GTF2H4: variants seen among roughly 807,000 people sequenced by gnomAD.
GTF2H4 encodes BTF2 p52.
GTF2H4 carries 49 observed loss-of-function variants against 62.2 expected under a neutral mutation model. The observed-to-expected ratio is 0.79, with a 90% CI of 0.63 to 1.00. The LOEUF (loss-of-function observed/expected upper bound fraction) is 1.00. Ranked by LOEUF, GTF2H4 falls within the 50% of genes least tolerant of loss-of-function variation. The pLI is 0.00. For missense variants in GTF2H4, 479 were observed against 587.8 expected (o/e 0.81, Z 1.91); for synonymous variants, 189 against 233.8 (o/e 0.81, Z 1.75).
In GTF2H4 at chr6:30,913,496, G is replaced by A. The variant is rs565077157; in HGVS notation, c.1216+109G>A. ...TGGACTAGGAGAGAAAAGCTGGCAAGACAGTTTTTTGTTGTTTTGGGGTGA... is the reference window on the plus strand; with the variant it reads ...TGGACTAGGAGAGAAAAGCTGGCAAAACAGTTTTTTGTTGTTTTGGGGTGA... On this transcript the variant is annotated intron_variant, in intron 13 of 13. Transcript: ENST00000259895. The surrounding 1 kb of genome is among the most constrained non-coding windows in gnomAD (Gnocchi z 4.2). 1.5e-6 allele frequency: 2 copies of A among 1,316,086 alleles called. No individual in the cohort carries two copies. The highest frequency in any genetic ancestry group is 2.4e-5 in the East Asian group (1 of 41,748). The allele number at this position is 1,316,086 out of a possible 1,614,324, so 81.5% of individuals were successfully genotyped here.
In GTF2H4 at chr6:30,909,843, G is replaced by C; in HGVS notation, c.243-89G>C. The C allele has an allele frequency of 7.6e-7, 1 of 1,307,950 alleles. No individual in the cohort carries two copies. The highest frequency in any genetic ancestry group is 1.1e-6 in the Non-Finnish European group (1 of 939,856). 81.0% of individuals were successfully genotyped at this position (1,307,950 alleles called of 1,614,324 possible). A position where few individuals can be genotyped will look rare whatever the true frequency, so the allele number is the denominator to read the frequency against. On this transcript the variant is annotated intron_variant, in intron 3 of 13. Transcript: ENST00000259895. The surrounding 1 kb of genome is among the most constrained non-coding windows in gnomAD (Gnocchi z 4.3). Reference sequence around the variant, plus strand: ...CTGTGGAACAGTGTTCCAAGGGTCAGCAAGTTCAGAACAGGCAGAGATGGT... The same window carrying C: ...CTGTGGAACAGTGTTCCAAGGGTCACCAAGTTCAGAACAGGCAGAGATGGT...
At chr6:30,908,765 T>C (rs1223817949) in intron 1 of GTF2H4, among the ~76,000 whole-genome samples, 3 of 152,110 alleles carry the variant, frequency 2.0e-5, no homozygotes, top group African/African-American at 7.2e-5. Flanking sequence ...TACAAAATGA[T>C]CTTGCAAACA....
rs761057419 is a variant in GTF2H4, at chr6:30,913,147, T to C, written c.1127T>C (p.Met376Thr). 2.5e-6 allele frequency: 4 copies of C among 1,614,026 alleles called. No homozygotes were observed. Among genetic ancestry groups the C allele is most frequent in the South Asian group, 1.1e-5 (1 of 91,084 alleles). The part of the protein sequence containing the change: ...HFLRTRAHPV[M>T]LKQTPVLPPT... ...CTAAGGACAAGAGCCCACCCAGTGA[T>C]GCTCAAACAGGTATAGACAGGCTCC... The change falls in exon 12 of 14, where the codon ATG (methionine) becomes ACG (threonine). Residue 376 changes from methionine to threonine, a missense_variant. Met to Thr is a moderately conservative substitution (Grantham distance 81, BLOSUM62 -1). Coordinates refer to ENST00000259895, the MANE Select transcript of GTF2H4 (RefSeq NM_001517.5). The surrounding 1 kb of genome is among the most constrained non-coding windows in gnomAD (Gnocchi z 4.2).
At position 30,914,018 on chromosome 6, in the gene GTF2H4, G is replaced by A; in HGVS notation, c.*35G>A. On this transcript the variant is annotated 3_prime_UTR_variant, in exon 14 of 14. Transcript: ENST00000259895. ...ACTTGGACACGGACCTCGGCGGGCG[G>A]GACTGGGCGGGGCGGGGCATCAGAA... is the stretch of plus-strand genomic sequence containing the variant. 2.0e-6 allele frequency: 3 copies of A among 1,516,308 alleles called. No homozygotes were observed. Among genetic ancestry groups the A allele is most frequent in the Non-Finnish European group, 2.7e-6 (3 of 1,115,694 alleles). The allele number at this position is 1,516,308 out of a possible 1,614,324, so 93.9% of individuals were successfully genotyped here.
rs749632823 is a variant in GTF2H4, at chr6:30,909,977, GCA to G, written c.295_296del (p.Gln99AlafsTer32). On this transcript the variant is annotated frameshift_variant, in exon 4 of 14. Transcript: ENST00000259895. LOFTEE classifies it high-confidence loss of function. The surrounding 1 kb of genome is among the most constrained non-coding windows in gnomAD (Gnocchi z 4.3). Reference protein sequence around the residue: ...TGLLSGLRIWHTQLLPGGLQG... With the variant: ...TGLLSGLRIWXTQLLPGGLQG... ...GGCTGCTGAGCGGCCTCCGGATCTG[GCA>G]CACACAGCTGCTCCCAGGCGGGCTC... is the stretch of plus-strand genomic sequence containing the variant. The G allele has an allele frequency of 6.2e-6, 10 of 1,612,838 alleles. No individual in the cohort carries two copies. Among genetic ancestry groups the G allele is most frequent in the African/African-American group, 1.3e-5 (1 of 74,906 alleles).
rs774934597 is a variant in GTF2H4 at position 30,912,315 on chromosome 6, A to G, written c.959-13A>G. 1 of 1,612,606 alleles carries G rather than the reference A, an allele frequency of 6.2e-7. No homozygotes were observed. Among genetic ancestry groups the G allele is most frequent in the African/African-American group, 1.3e-5 (1 of 74,860 alleles). On this transcript the variant is annotated splice_polypyrimidine_tract_variant and intron_variant, in intron 10 of 13. Transcript: ENST00000259895. The surrounding 1 kb of genome is among the most constrained non-coding windows in gnomAD (Gnocchi z 4.8). ...GGGGTGGCCTCCTCATCCTCTTTCT[A>G]TCCCTGGCTCAGAGTCGGAGCTGCA...
In GTF2H4 at chr6:30,911,641, T is replaced by A. The variant is rs769031413; in HGVS notation, c.742-43T>A. The A allele has an allele frequency of 4.9e-6, 4 of 812,508 alleles. No homozygotes were observed. The highest frequency in any genetic ancestry group is 7.5e-6 in the Non-Finnish European group (4 of 530,592). The allele number at this position is 812,508 out of a possible 1,614,324, so 50.3% of individuals were successfully genotyped here. On this transcript the variant is annotated intron_variant, in intron 8 of 13. Transcript: ENST00000259895. This position sits in a 1 kb window ranked among gnomAD's most constrained non-coding sequence, Gnocchi z 4.3. ...ATGAATGTATGGGGTTGGGGGTGGG[T>A]GGGTTGTGTTTTGGACCCCAGCTGG...
At position 30,910,665 on chromosome 6, in the gene GTF2H4, G is replaced by A; in HGVS notation, c.375G>A (p.Gly125=). The A allele has an allele frequency of 3.1e-6, 5 of 1,612,184 alleles. No individual in the cohort carries two copies. Among genetic ancestry groups the A allele is most frequent in the Non-Finnish European group, 4.2e-6 (5 of 1,179,318 alleles). Residue 125 remains glycine, a splice_region_variant and synonymous_variant, in exon 5 of 14, where the codon GGG becomes GGA. Coordinates refer to ENST00000259895, the MANE Select transcript of GTF2H4 (RefSeq NM_001517.5). The surrounding 1 kb of genome is among the most constrained non-coding windows in gnomAD (Gnocchi z 4.7). ...RQNLRIALLG[G]GKAWSDDTSQ... ...TACTCTTGGCCCATCCTGGCCGTAG[G>A]GGGAAGGCCTGGTCTGATGACACAA...
At position 30,911,611 on chromosome 6, in the gene GTF2H4, A is replaced by C; in HGVS notation, c.742-73A>C. On this transcript the variant is annotated intron_variant, in intron 8 of 13. Coordinates refer to ENST00000259895, the MANE Select transcript of GTF2H4 (RefSeq NM_001517.5). The surrounding 1 kb of genome is among the most constrained non-coding windows in gnomAD (Gnocchi z 4.3). ...ACAGAACGAACAGAGATGGAGAAAG[A>C]AAGAATGAATGTATGGGGTTGGGGG... 7.2e-7 allele frequency: 1 copy of C among 1,384,348 alleles called. No homozygotes were observed. The highest frequency in any genetic ancestry group is 1.0e-6 in the Non-Finnish European group (1 of 970,758). The allele number at this position is 1,384,348 out of a possible 1,614,324, so 85.8% of individuals were successfully genotyped here.
rs756463344 is a variant in GTF2H4, at chr6:30,913,893, C to T, written c.1299C>T (p.Phe433=). 1.2e-6 allele frequency: 2 copies of T among 1,609,746 alleles called. No individual in the cohort carries two copies. The highest frequency in any genetic ancestry group is 1.1e-5 in the South Asian group (1 of 90,666). The part of the protein sequence containing the change: ...AHARELGVLV[F]ENSAKRLMVV... ...CGCGGGAGCTGGGCGTGCTCGTGTT[C>T]GAGAACTCGGCCAAGCGGCTCATGG... is the stretch of plus-strand genomic sequence containing the variant. Residue 433 remains phenylalanine, a synonymous_variant, in exon 14 of 14, where the codon TTC becomes TTT. Transcript: ENST00000259895. The surrounding 1 kb of genome is among the most constrained non-coding windows in gnomAD (Gnocchi z 4.2).
At position 30,913,872 on chromosome 6, in the gene GTF2H4, G is replaced by A; in HGVS notation, c.1278G>A (p.Arg426=). ...VDFELLLAHA[R]ELGVLVFENS... is the part of the protein sequence containing the mutation. ...TTGAGCTGCTGCTGGCCCACGCGCG[G>A]GAGCTGGGCGTGCTCGTGTTCGAGA... The change falls in exon 14 of 14, where the codon CGG becomes CGA. Residue 426 remains arginine (R), a synonymous_variant. Coordinates refer to ENST00000259895, the MANE Select transcript of GTF2H4 (RefSeq NM_001517.5). This position sits in a 1 kb window ranked among gnomAD's most constrained non-coding sequence, Gnocchi z 4.2. 1 of 1,608,058 alleles carries A rather than the reference G, an allele frequency of 6.2e-7. No individual in the cohort carries two copies. Among genetic ancestry groups the A allele is most frequent in the East Asian group, 2.3e-5 (1 of 44,266 alleles).
At position 30,913,251 on chromosome 6, in the gene GTF2H4, G is replaced by C; in HGVS notation, c.1138-58G>C. 1 of 1,612,338 alleles carries C rather than the reference G, an allele frequency of 6.2e-7. No individual in the cohort carries two copies. The highest frequency in any genetic ancestry group is 1.7e-4 in the Middle Eastern group (1 of 6,044). On this transcript the variant is annotated intron_variant, in intron 12 of 13. Coordinates refer to ENST00000259895, the MANE Select transcript of GTF2H4 (RefSeq NM_001517.5). The surrounding 1 kb of genome is among the most constrained non-coding windows in gnomAD (Gnocchi z 4.2). ...ATCCAAATCTGGGGAAGAAACAGAG[G>C]GCCGGGTTGTCTGGGGCAGTATTCT...
Position 30,913,340 on chromosome 6 carries a change from A to G in GTF2H4, c.1169A>G (p.Gln390Arg). Reference sequence around the variant, plus strand: ...GTGCTGCCCCCCACCATCACCGACCAGATCCGGCTCTGGGAGCTGGAAAGG... The same window carrying G: ...GTGCTGCCCCCCACCATCACCGACCGGATCCGGCTCTGGGAGCTGGAAAGG... Reference protein sequence around the residue: ...TPVLPPTITDQIRLWELERDR... With the variant: ...TPVLPPTITDRIRLWELERDR... Residue 390 changes from glutamine to arginine, a missense_variant, in exon 13 of 14, where the codon CAG becomes CGG. Gln to Arg is a conservative substitution (Grantham distance 43). Coordinates refer to ENST00000259895, the MANE Select transcript of GTF2H4 (RefSeq NM_001517.5). This position sits in a 1 kb window ranked among gnomAD's most constrained non-coding sequence, Gnocchi z 4.2. 6.2e-7 allele frequency: 1 copy of G among 1,613,428 alleles called. No homozygotes were observed. Among genetic ancestry groups the G allele is most frequent in the Non-Finnish European group, 8.5e-7 (1 of 1,180,016 alleles).
Position 30,912,979 on chromosome 6 carries a change from T to G in GTF2H4, c.1090-131T>G. On this transcript the variant is annotated intron_variant, in intron 11 of 13. Transcript: ENST00000259895. This position sits in a 1 kb window ranked among gnomAD's most constrained non-coding sequence, Gnocchi z 4.8. ...ACGTGGGATAACAGCTGAACTGGGATGGGTGGAGTTGATGACAGGAGTTAT... is the reference window on the plus strand; with the variant it reads ...ACGTGGGATAACAGCTGAACTGGGAGGGGTGGAGTTGATGACAGGAGTTAT... 2 of 789,380 alleles carry G rather than the reference T, an allele frequency of 2.5e-6. No individual in the cohort carries two copies. The highest frequency in any genetic ancestry group is 4.1e-6 in the Non-Finnish European group (2 of 487,806). The allele number at this position is 789,380 out of a possible 1,614,324, so 48.9% of individuals were successfully genotyped here.
In GTF2H4 at chr6:30,911,946, TATTTC is replaced by T; in HGVS notation, c.826-66_826-62del. 1 of 1,574,822 alleles carries T rather than the reference TATTTC, an allele frequency of 6.3e-7. No homozygotes were observed. The highest frequency in any genetic ancestry group is 8.7e-7 in the Non-Finnish European group (1 of 1,154,434). ...GTTCTGCATCTTGGGAGGGATCTGATATTTCAGGCAGGAAGATGTAAGGCAGTGAC... is the reference window on the plus strand; with the variant it reads ...GTTCTGCATCTTGGGAGGGATCTGATAGGCAGGAAGATGTAAGGCAGTGAC... On this transcript the variant is annotated intron_variant, in intron 9 of 13. Coordinates refer to ENST00000259895, the MANE Select transcript of GTF2H4 (RefSeq NM_001517.5). This position sits in a 1 kb window ranked among gnomAD's most constrained non-coding sequence, Gnocchi z 4.3.
In GTF2H4 at chr6:30,911,604, G is replaced by GAGAA. The variant is rs1793763948; in HGVS notation, c.742-71_742-68dup. Reference sequence around the variant, plus strand: ...AATGAAAACAGAACGAACAGAGATGGAGAAAGAAAGAATGAATGTATGGGG... The same window carrying GAGAA: ...AATGAAAACAGAACGAACAGAGATGGAGAAAGAAAGAAAGAATGAATGTATGGGG... On this transcript the variant is annotated intron_variant, in intron 8 of 13. Transcript: ENST00000259895. This position sits in a 1 kb window ranked among gnomAD's most constrained non-coding sequence, Gnocchi z 4.3. The GAGAA allele has an allele frequency of 1.9e-6, 2 of 1,042,436 alleles. No individual in the cohort carries two copies. Among genetic ancestry groups the GAGAA allele is most frequent in the African/African-American group, 1.6e-5 (1 of 61,738 alleles). 64.6% of individuals were successfully genotyped at this position (1,042,436 alleles called of 1,614,324 possible). A position where few individuals can be genotyped will look rare whatever the true frequency, so the allele number is the denominator to read the frequency against.
In GTF2H4 at chr6:30,911,637, T is replaced by TGGGGGG; in HGVS notation, c.742-44_742-43insGGGGGG. The TGGGGGG allele has an allele frequency of 1.4e-6, 1 of 691,610 alleles. No individual in the cohort carries two copies. Among genetic ancestry groups the TGGGGGG allele is most frequent in the Non-Finnish European group, 2.3e-6 (1 of 431,412 alleles). 42.8% of individuals were successfully genotyped at this position (691,610 alleles called of 1,614,324 possible). A position where few individuals can be genotyped will look rare whatever the true frequency, so the allele number is the denominator to read the frequency against. On this transcript the variant is annotated intron_variant, in intron 8 of 13. Coordinates refer to ENST00000259895, the MANE Select transcript of GTF2H4 (RefSeq NM_001517.5). The surrounding 1 kb of genome is among the most constrained non-coding windows in gnomAD (Gnocchi z 4.3). ...AAGAATGAATGTATGGGGTTGGGGG[T>TGGGGGG]GGGTGGGTTGTGTTTTGGACCCCAG...
rs762306012 is a variant in GTF2H4, at chr6:30,912,340, A to G, written c.971A>G (p.Gln324Arg). 1.9e-6 allele frequency: 3 copies of G among 1,612,922 alleles called. No individual in the cohort carries two copies. The East Asian group carries it at 6.7e-5, about 36-fold the overall frequency. ...ATCCCTGGCTCAGAGTCGGAGCTGCAGATTGCCCTCATTGCCCTCTTCTCT... is the reference window on the plus strand; with the variant it reads ...ATCCCTGGCTCAGAGTCGGAGCTGCGGATTGCCCTCATTGCCCTCTTCTCT... ...RLYAYTESEL[Q>R]IALIALFSEM... The change falls in exon 11 of 14, where the codon CAG (glutamine) becomes CGG (arginine). Residue 324 changes from glutamine (Q) to arginine (R), a missense_variant. Gln to Arg is a conservative substitution (Grantham distance 43). Coordinates refer to ENST00000259895, the MANE Select transcript of GTF2H4 (RefSeq NM_001517.5). This position sits in a 1 kb window ranked among gnomAD's most constrained non-coding sequence, Gnocchi z 4.8.
rs2150534407 is a variant in GTF2H4, at chr6:30,909,369, T to C, written c.138-66T>C. ...GTGAGATGAGATGTTTGAGAGGTAA[T>C]TGAGGGCAGAGATGCAGATACAATG... On this transcript the variant is annotated intron_variant, in intron 2 of 13. Transcript: ENST00000259895. This position sits in a 1 kb window ranked among gnomAD's most constrained non-coding sequence, Gnocchi z 4.3. 7.9e-7 allele frequency: 1 copy of C among 1,270,862 alleles called. No individual in the cohort carries two copies. Among genetic ancestry groups the C allele is most frequent in the Non-Finnish European group, 1.1e-6 (1 of 876,080 alleles). 78.7% of individuals were successfully genotyped at this position (1,270,862 alleles called of 1,614,324 possible).
Sources: allele counts gnomAD v4.1 joint callset (sites outside exome capture counted in the v4.1 genomes callset), GRCh38; gene constraint gnomAD v4.1.1; non-coding constraint Gnocchi (gnomAD v3.1); transcripts MANE v1.5; gene names NCBI Gene and HGNC (gene_info 2026-07-23, HGNC 2026-07-21).